Variants in IQCK observed in about 807,000 individuals in gnomAD.
IQCK encodes the protein IQ motif containing K.
A neutral mutation model predicts 28.1 loss-of-function variants in IQCK; 29 were observed. The observed-to-expected ratio is 1.03, with a 90% CI of 0.77 to 1.41. The LOEUF is 1.41. Ranked by LOEUF, IQCK falls within the 40% of genes most tolerant of loss-of-function variation. IQCK has a pLI of 0.00. For synonymous variants in IQCK, 113 were observed against 115.1 expected, an observed-to-expected ratio of 0.98 and a Z score of 0.12; for missense variants, 359 against 314.7, an observed-to-expected ratio of 1.14 and a Z score of -1.07.
intron 9 of IQCK, among the ~76,000 whole-genome samples, chr16:19,853,513 C>T (rs72769590): frequency 0.1 from 15,762 of 152,254 alleles, 907 homozygotes; most frequent in Non-Finnish European, 0.13. Flanking sequence ...GTGAATTCTT[C>T]CTTCAGGCAG....
intron 4 of IQCK, chr16:19,761,162 G>A (rs2055134301): frequency 3.1e-6 from 1 of 326,914 alleles, no homozygotes; most frequent in Non-Finnish European, 6.1e-6. Flanking sequence ...AGCCCAATAG[G>A]TCTCAGCCTC....
chr16:19,819,902 T>G (rs183476412), intron 7 of IQCK, among the ~76,000 whole-genome samples: 1 of 150,318 alleles, frequency 6.7e-6, no homozygotes, highest in East Asian at 2.0e-4. Context: ...ACATGCATTG[T>G]GGGAAAAGAA....
At chr16:19,826,580 G>T (rs1474991260) in intron 7 of IQCK, among the ~76,000 whole-genome samples, 1 of 152,182 alleles carries the variant, frequency 6.6e-6, no homozygotes. Flanking sequence ...GTTTCACCAT[G>T]TTGGCCAGGC....
intron 1 of IQCK, among the ~76,000 whole-genome samples, chr16:19,725,974 G>A (rs913415594): frequency 4.0e-5 from 6 of 149,524 alleles, no homozygotes; most frequent in African/African-American, 9.9e-5. Context: ...GGAGTGCAGC[G>A]GCTCGATCTC....
At chr16:19,856,637 C>A in exon 10 of IQCK, 2 of 1,051,068 alleles carry the variant, frequency 1.9e-6, no homozygotes, top group Non-Finnish European at 2.9e-6. Flanking sequence ...CTTGTGATTT[C>A]TTTAACAAGA....
At chr16:19,775,866 CTTTTTTTTTTTT>C (rs570530152) in intron 6 of IQCK, among the ~76,000 whole-genome samples, 6 of 37,700 alleles carry the variant, frequency 1.6e-4, no homozygotes, top group South Asian at 1.7e-3. Flanking sequence ...TGGGCACAGG[CTTTTTTTTTTTT>C]TTTTTTTTTT....
intron 7 of IQCK, among the ~76,000 whole-genome samples, chr16:19,811,942 C>T (rs2055911327): frequency 6.6e-6 from 1 of 151,644 alleles, no homozygotes; most frequent in African/African-American, 2.4e-5. Context: ...CAAGTACCTT[C>T]AGTGATCTCA....
In IQCK at chr16:19,735,413, GC is replaced by G; in HGVS notation, c.439del (p.Leu147CysfsTer24). On this transcript the variant is annotated frameshift_variant, in exon 4 of 8. Transcript: ENST00000564186. LOFTEE classifies it high-confidence loss of function. ...CCTGTTCTGCTTCCCGGAATGGCTAGCCTGCTTCACCAAGCGAAGAAAGAAA... is the reference window on the plus strand; with the variant it reads ...CCTGTTCTGCTTCCCGGAATGGCTAGCTGCTTCACCAAGCGAAGAAAGAAA... 2 of 1,614,042 alleles carry G rather than the reference GC, an allele frequency of 1.2e-6. No individual in the cohort carries two copies. The highest frequency in any genetic ancestry group is 1.7e-6 in the Non-Finnish European group (2 of 1,179,876).
chr16:19,728,313 A>T (rs1977723149), intron 1 of IQCK, among the ~76,000 whole-genome samples: 1 of 152,040 alleles, frequency 6.6e-6, no homozygotes, highest in African/African-American at 2.4e-5. Context: ...CAATGGTGAG[A>T]TCTTGGTTCA....
chr16:19,757,602 G>A lies in IQCK; in HGVS notation c.475-6246G>A, dbSNP rs148537701. On this transcript the variant is annotated intron_variant, in intron 4 of 7. Transcript: ENST00000564186. ...AGGCTGAGGCTTGAACCCAGGTGGT[G>A]GAGGTTGCAGTGAGTGGAGATCGTG... is the stretch of plus-strand genomic sequence containing the variant. Among the ~76,000 whole-genome samples, 919 of 152,268 alleles carry A rather than the reference G, an allele frequency of 6.0e-3. 11 individuals are homozygous for A. The highest frequency in any genetic ancestry group is 0.021 in the African/African-American group (881 of 41,548).
intron 4 of IQCK, chr16:19,761,843 C>G (rs940767922): frequency 1.8e-5 from 3 of 169,086 alleles, no homozygotes; most frequent in African/African-American, 7.2e-5. Context: ...TTTATTTCTC[C>G]TTACACATTT....
intron 1 of IQCK, among the ~76,000 whole-genome samples, chr16:19,726,802 AG>A (rs1215491510): frequency 6.6e-6 from 1 of 152,216 alleles, no homozygotes; most frequent in African/African-American, 2.4e-5. Context: ...CAACAGATCC[AG>A]GCACTTCCCT....
intron 1 of IQCK, 123 bp downstream of exon 1, chr16:19,718,610 G>A (rs1977346379): frequency 3.4e-6 from 3 of 890,208 alleles, no homozygotes; most frequent in East Asian, 6.9e-5. Flanking sequence ...CGGCTCCGCG[G>A]GCCCGGGCTC....
At chr16:19,849,519 T>C (rs1159614161) in intron 9 of IQCK, among the ~76,000 whole-genome samples, 1 of 151,824 alleles carries the variant, frequency 6.6e-6, no homozygotes, top group Non-Finnish European at 1.5e-5. Context: ...CTCAGCGCTT[T>C]GGGAGGCCAA....
At chr16:19,735,654 G>T in intron 4 of IQCK, 1 of 558,418 alleles carries the variant, frequency 1.8e-6, no homozygotes. Flanking sequence ...CTGGCCACTT[G>T]GACTCCGGAG....
At chr16:19,833,760 T>C (rs977383854) in intron 9 of IQCK, among the ~76,000 whole-genome samples, 1 of 152,140 alleles carries the variant, frequency 6.6e-6, no homozygotes, top group African/African-American at 2.4e-5. Flanking sequence ...AGGCTATTCT[T>C]AAGATGAACA....
chr16:19,718,558 C>T (rs1019385161), intron 1 of IQCK, 71 bp downstream of exon 1: 1 of 1,358,376 alleles, frequency 7.4e-7, no homozygotes, highest in Non-Finnish European at 9.6e-7. Flanking sequence ...TGGGGAGCGC[C>T]CACTGTGCGC....
At chr16:19,819,274 CTT>C (rs2056032026) in intron 7 of IQCK, among the ~76,000 whole-genome samples, 2 of 152,082 alleles carry the variant, frequency 1.3e-5, no homozygotes, top group South Asian at 4.2e-4. Flanking sequence ...TGGCAGATCA[CTT>C]GAGGTCAGGA....
intron 9 of IQCK, among the ~76,000 whole-genome samples, chr16:19,852,686 G>C (rs569113338): frequency 2.7e-5 from 4 of 146,972 alleles, no homozygotes; most frequent in Non-Finnish European, 5.9e-5. Context: ...GCAGTGACGC[G>C]ATCTTGGCTT....
Sources: allele counts gnomAD v4.1 joint callset (sites outside exome capture counted in the v4.1 genomes callset), GRCh38; gene constraint gnomAD v4.1.1; transcripts MANE v1.5; gene names NCBI Gene and HGNC (gene_info 2026-07-23, HGNC 2026-07-21).